CCDC88C: variants seen among roughly 807,000 people sequenced by gnomAD.
CCDC88C encodes the protein coiled-coil and HOOK domain protein 88C, also known as protein Daple.
A neutral mutation model predicts 198.8 loss-of-function variants in CCDC88C; 131 were observed. That is an observed-to-expected ratio of 0.66 (90% CI 0.57 to 0.76). CCDC88C has a LOEUF of 0.76. CCDC88C is among the 30% of genes least tolerant of loss of function. The pLI is 0.00. For synonymous variants in CCDC88C, 1,166 were observed against 1,114.7 expected (o/e 1.05, Z -0.92); for missense variants, 2,553 against 2,631.6 (o/e 0.97, Z 0.65).
intron 10 of CCDC88C, among the ~76,000 whole-genome samples, chr14:91,334,838 G>A (rs1892983549): frequency 6.6e-6 from 1 of 152,154 alleles, no homozygotes; most frequent in Admixed American, 6.5e-5. Context: ...CCCCAGCAGG[G>A]CTCAGATGGT....
Position 91,303,775 on chromosome 14 carries a change from G to A in CCDC88C, c.3561C>T (p.Ala1187=). The change falls in exon 20 of 30, where the codon GCC becomes GCT. Residue 1187 remains alanine (A), a synonymous_variant. Transcript: ENST00000389857. ...LHERQSAEYE[A]LIRQHSCLKT... is the part of the protein sequence containing the mutation. Reference sequence around the variant, plus strand: ...TTAGGCAGCTGTGCTGGCGGATGAGGGCCTCGTACTCGGCCGATTGCCGCT... The same window carrying A: ...TTAGGCAGCTGTGCTGGCGGATGAGAGCCTCGTACTCGGCCGATTGCCGCT... 6.2e-7 allele frequency: 1 copy of A among 1,613,404 alleles called. No homozygotes were observed.
In CCDC88C at chr14:91,338,776, A is replaced by C. The variant is rs1367937612; in HGVS notation, c.810-206T>G. ...CATAAGTTTGCAACACCGGCCCTTA[A>C]ACTATGTCCATCCGCCACTCAGGTC... On this transcript the variant is annotated intron_variant, in intron 8 of 29. Coordinates refer to ENST00000389857, the MANE Select transcript of CCDC88C (RefSeq NM_001080414.4). This position sits in a 1 kb window ranked among gnomAD's most constrained non-coding sequence, Gnocchi z 4.8. The C allele has an allele frequency of 5.3e-6, 3 of 570,378 alleles. No homozygotes were observed. In the African/African-American group the frequency reaches 5.6e-5, roughly 11 times the overall value. The allele number at this position is 570,378 out of a possible 1,614,324, so 35.3% of individuals were successfully genotyped here.
chr14:91,371,540 C>T lies in CCDC88C; in HGVS notation c.271-11829G>A, dbSNP rs1452966023. On this transcript the variant is annotated intron_variant, in intron 3 of 29. Coordinates refer to ENST00000389857, the MANE Select transcript of CCDC88C (RefSeq NM_001080414.4). This position sits in a 1 kb window ranked among gnomAD's most constrained non-coding sequence, Gnocchi z 4.2. ...CAGACCAAGACCACAGTCTTGGTCC[C>T]GAGGAGCCTGTGGAGTCACAGACTG... 2.0e-5 allele frequency among the ~76,000 whole-genome samples: 3 copies of T among 152,040 alleles called. No homozygotes were observed. The highest frequency in any genetic ancestry group is 1.3e-4 in the Admixed American group (2 of 15,286).
At chr14:91,396,442 G>T (rs1885850126) in intron 3 of CCDC88C, among the ~76,000 whole-genome samples, 1 of 152,150 alleles carries the variant, frequency 6.6e-6, no homozygotes, top group Non-Finnish European at 1.5e-5. Flanking sequence ...CATAAAGTGA[G>T]CTGTGTTTCC....
At chr14:91,304,354 A>G (rs1270713587) in intron 19 of CCDC88C, among the ~76,000 whole-genome samples, 1 of 152,214 alleles carries the variant, frequency 6.6e-6, no homozygotes, top group Non-Finnish European at 1.5e-5. Flanking sequence ...AAGCAGAAGC[A>G]GGAGGGTCAC....
intron 3 of CCDC88C, among the ~76,000 whole-genome samples, chr14:91,386,481 A>C (rs2139966562): frequency 6.6e-6 from 1 of 152,158 alleles, no homozygotes; most frequent in Non-Finnish European, 1.5e-5. Context: ...AAATAAACAA[A>C]TAAACAGTAG....
Position 91,272,022 on chromosome 14 carries a change from C to G in CCDC88C, c.*603G>C, listed in dbSNP as rs998969773. The G allele has an allele frequency of 6.5e-6, 1 of 152,798 alleles. No homozygotes were observed. Among genetic ancestry groups the G allele is most frequent in the South Asian group, 2.1e-4 (1 of 4,848 alleles). The allele number at this position is 152,798 out of a possible 1,614,324, so 9.5% of individuals were successfully genotyped here. On this transcript the variant is annotated 3_prime_UTR_variant, in exon 30 of 30. Transcript: ENST00000389857. Reference sequence around the variant, plus strand: ...AATGGCCAAGGCCACCGCCAGCTGCCCTGCAGGCTGCCCTGGGTCCTGGGG... The same window carrying G: ...AATGGCCAAGGCCACCGCCAGCTGCGCTGCAGGCTGCCCTGGGTCCTGGGG...
At position 91,339,770 on chromosome 14, in the gene CCDC88C, C is replaced by T. The variant is rs1371637682; in HGVS notation, c.624+114G>A. 1 of 1,285,724 alleles carries T rather than the reference C, an allele frequency of 7.8e-7. No individual in the cohort carries two copies. Among genetic ancestry groups the T allele is most frequent in the Non-Finnish European group, 1.0e-6 (1 of 959,804 alleles). 79.6% of individuals were successfully genotyped at this position (1,285,724 alleles called of 1,614,324 possible). ...CAGGGAAAGCACGCACGTCCCACCC[C>T]CACCAGAACCTCAGCAGCAGGACCG... On this transcript the variant is annotated intron_variant, in intron 7 of 29. Coordinates refer to ENST00000389857, the MANE Select transcript of CCDC88C (RefSeq NM_001080414.4). This position sits in a 1 kb window ranked among gnomAD's most constrained non-coding sequence, Gnocchi z 5.8.
At chr14:91,366,115 G>A (rs1363946843) in intron 3 of CCDC88C, among the ~76,000 whole-genome samples, 1 of 147,536 alleles carries the variant, frequency 6.8e-6, no homozygotes, top group Non-Finnish European at 1.5e-5. Context: ...ATTTAACTAG[G>A]TATTTCAGCT....
chr14:91,358,218 A>G (rs547043833), intron 4 of CCDC88C, among the ~76,000 whole-genome samples: 167 of 152,344 alleles, frequency 1.1e-3, no homozygotes, highest in African/African-American at 4.0e-3. Flanking sequence ...GAACTCTTCT[A>G]AAGTCTCAAG....
Position 91,291,547 on chromosome 14 carries a change from T to C in CCDC88C, c.4113-463A>G, listed in dbSNP as rs558307867. Among the ~76,000 whole-genome samples, 8 of 152,156 alleles carry C rather than the reference T, an allele frequency of 5.3e-5. No homozygotes were observed. The East Asian group carries it at 1.5e-3, about 29-fold the overall frequency. Reference sequence around the variant, plus strand: ...AAGTCAGATGCATGACTCAGGCCCATTCCCACTCAGAAGCAAACTGAGAAG... The same window carrying C: ...AAGTCAGATGCATGACTCAGGCCCACTCCCACTCAGAAGCAAACTGAGAAG... On this transcript the variant is annotated intron_variant, in intron 23 of 29. Coordinates refer to ENST00000389857, the MANE Select transcript of CCDC88C (RefSeq NM_001080414.4).
At chr14:91,345,975 T>C (rs1463339028) in intron 4 of CCDC88C, among the ~76,000 whole-genome samples, 1 of 152,070 alleles carries the variant, frequency 6.6e-6, no homozygotes, top group East Asian at 1.9e-4. Flanking sequence ...TATCCTATTG[T>C]ATTGAGGAAG....
chr14:91,316,002 C>G lies in CCDC88C; in HGVS notation c.1528-215G>C, dbSNP rs548334159. On this transcript the variant is annotated intron_variant, in intron 13 of 29. Transcript: ENST00000389857. ...AAGCAAACCATCACCATCCCCCCAGCGTCCCTCTGCCCCATCCTTGCTGCC... is the reference window on the plus strand; with the variant it reads ...AAGCAAACCATCACCATCCCCCCAGGGTCCCTCTGCCCCATCCTTGCTGCC... 9.4e-5 allele frequency: 50 copies of G among 532,548 alleles called. No individual in the cohort carries two copies. The South Asian group carries it at 1.1e-3, about 12-fold the overall frequency. The allele number at this position is 532,548 out of a possible 1,614,324, so 33.0% of individuals were successfully genotyped here.
chr14:91,311,072 C>T (rs986314122), intron 15 of CCDC88C, among the ~76,000 whole-genome samples: 9 of 152,294 alleles, frequency 5.9e-5, no homozygotes, highest in South Asian at 4.1e-4. Flanking sequence ...CCATGGCAAC[C>T]GCCCAAGCCT....
intron 25 of CCDC88C, among the ~76,000 whole-genome samples, chr14:91,287,788 G>A (rs1239458960): frequency 6.6e-6 from 1 of 151,938 alleles, no homozygotes; most frequent in Non-Finnish European, 1.5e-5. Flanking sequence ...AGACCCCATG[G>A]GTCTCAGGCA....
At chr14:91,275,031 G>A (rs990816044) in intron 29 of CCDC88C, among the ~76,000 whole-genome samples, 1 of 152,164 alleles carries the variant, frequency 6.6e-6, no homozygotes, top group Non-Finnish European at 1.5e-5. Context: ...AGAGAGTGGG[G>A]GCGCGGTGGG....
At chr14:91,280,166 G>A (rs966669460) in intron 27 of CCDC88C, among the ~76,000 whole-genome samples, 1 of 152,306 alleles carries the variant, frequency 6.6e-6, no homozygotes, top group South Asian at 2.1e-4. Context: ...CCCGTGGCAG[G>A]GATGGCATTT....
chr14:91,317,599 C>T (rs1430273555), intron 13 of CCDC88C, among the ~76,000 whole-genome samples: 2 of 152,180 alleles, frequency 1.3e-5, no homozygotes, highest in Non-Finnish European at 2.9e-5. Flanking sequence ...AACCACCCTG[C>T]AGGGTCGGGC....
At chr14:91,383,991 G>C (rs1012334213) in intron 3 of CCDC88C, among the ~76,000 whole-genome samples, 13 of 152,226 alleles carry the variant, frequency 8.5e-5, no homozygotes, top group African/African-American at 2.9e-4. Context: ...GCCTTCTGGA[G>C]TGCCACACCT....
Sources: gnomAD v4.1 joint callset for allele counts (sites outside exome capture counted in the v4.1 genomes callset) on GRCh38, gnomAD v4.1.1 for gene constraint, Gnocchi (gnomAD v3.1) non-coding constraint, MANE v1.5 for transcripts, NCBI Gene and HGNC (gene_info 2026-07-23, HGNC 2026-07-21) for gene names.